The following TLE2 variants were observed in gnomAD, a reference collection of about 807,000 sequenced individuals.
TLE2 encodes the protein transducin-like enhancer protein 2.
Under a neutral mutation model 97.2 loss-of-function variants are expected in TLE2, and 74 were observed. That is an observed-to-expected ratio of 0.76 (90% CI 0.63 to 0.92). The LOEUF (loss-of-function observed/expected upper bound fraction) is 0.92. Among genes scored for constraint, TLE2 ranks in the 40% least tolerant of loss-of-function variants. TLE2 has a pLI of 0.00. For synonymous variants in TLE2, 499 were observed against 432.1 expected (o/e 1.15, Z -1.92); for missense variants, 1,038 against 1,008.7 (o/e 1.03, Z -0.39).
In TLE2 at chr19:3,025,298, T is replaced by G. The variant is rs578202822; in HGVS notation, c.232-216A>C. 91 of 1,250,406 alleles carry G rather than the reference T, an allele frequency of 7.3e-5. No individual in the cohort carries two copies. In the South Asian group the frequency reaches 1.6e-3, roughly 22 times the overall value. The allele number at this position is 1,250,406 out of a possible 1,614,324, so 77.5% of individuals were successfully genotyped here. ...CAGCTGAGCGAGGCCCAGGGTGGCC[T>G]GGAGCTGGGAAGACCAGGGCTGAGG... On this transcript the variant is annotated intron_variant, in intron 4 of 19. Transcript: ENST00000262953.
At chr19:2,998,516 G>A (rs573501800) in intron 19 of TLE2, among the ~76,000 whole-genome samples, 1 of 152,200 alleles carries the variant, frequency 6.6e-6, no homozygotes, top group South Asian at 2.1e-4. Context: ...GACCTCAGGT[G>A]ATCCGCCTGC....
chr19:2,999,233 G>A (rs1180329135), intron 19 of TLE2, among the ~76,000 whole-genome samples: 2 of 152,048 alleles, frequency 1.3e-5, no homozygotes, highest in Non-Finnish European at 2.9e-5. Flanking sequence ...AGTGAGCTGA[G>A]ATTGCGCCAC....
At chr19:3,004,571 G>A (rs922822494) in intron 17 of TLE2, among the ~76,000 whole-genome samples, 2 of 149,060 alleles carry the variant, frequency 1.3e-5, no homozygotes, top group African/African-American at 5.0e-5. Flanking sequence ...CCTGGGAGGC[G>A]CAGGTTGCAG....
At chr19:3,020,931 C>T (rs1266827170) in intron 5 of TLE2, among the ~76,000 whole-genome samples, 1 of 150,336 alleles carries the variant, frequency 6.7e-6, no homozygotes, top group Admixed American at 6.7e-5. Flanking sequence ...ACTAAAAATA[C>T]AAAAAAAATT....
chr19:3,020,957 C>T (rs919707266), intron 5 of TLE2, among the ~76,000 whole-genome samples: 6 of 151,438 alleles, frequency 4.0e-5, no homozygotes, highest in East Asian at 1.9e-4. Flanking sequence ...GACGTGGCGG[C>T]GGGTGCCTAT....
intron 18 of TLE2, among the ~76,000 whole-genome samples, chr19:3,001,263 ACT>A (rs1485504263): frequency 5.8e-5 from 7 of 121,196 alleles, no homozygotes; most frequent in South Asian, 5.4e-4. Context: ...ACGCAGTCAG[ACT>A]CTGTCTCAAA....
In TLE2 at chr19:3,006,594, C is replaced by G. The variant is rs774648503; in HGVS notation, c.1326G>C (p.Ala442=). ...VPFPSDALVG[A]GIPRHARQLH... Reference sequence around the variant, plus strand: ...GCTGCCGGGCGTGCCGCGGGATGCCCGCGCCTACCAGTGCATCCGAGGGGA... The same window carrying G: ...GCTGCCGGGCGTGCCGCGGGATGCCGGCGCCTACCAGTGCATCCGAGGGGA... Residue 442 remains alanine (A), a synonymous_variant, in exon 15 of 20, where the codon GCG becomes GCC. Coordinates refer to ENST00000262953, the MANE Select transcript of TLE2 (RefSeq NM_003260.5). 4.4e-6 allele frequency: 7 copies of G among 1,607,852 alleles called. No individual in the cohort carries two copies. The highest frequency in any genetic ancestry group is 3.4e-4 in the Middle Eastern group (2 of 5,940).
intron 14 of TLE2, among the ~76,000 whole-genome samples, chr19:3,006,939 T>C (rs1025032587): frequency 6.7e-6 from 1 of 149,232 alleles, no homozygotes; most frequent in Non-Finnish European, 1.5e-5. Context: ...TGCGCCACCA[T>C]GCCTGGCTAA....
At chr19:3,005,313 T>A in intron 17 of TLE2, 124 bp downstream of exon 17, 2 of 1,308,108 alleles carry the variant, frequency 1.5e-6, no homozygotes, top group Non-Finnish European at 2.1e-6. Flanking sequence ...ACAAGAAAGA[T>A]GGACACCACA....
In TLE2 at chr19:3,015,896, A is replaced by G. The variant is rs1399995365; in HGVS notation, c.571-136T>C. On this transcript the variant is annotated intron_variant, in intron 8 of 19. Transcript: ENST00000262953. ...TCAAGCTTCCCATCTGGGAAATGGG[A>G]GCTTCCAACGGCTGACTCAGTGCTA... 4.2e-6 allele frequency: 3 copies of G among 722,216 alleles called. No homozygotes were observed. The South Asian group carries it at 4.5e-5, about 11-fold the overall frequency. The allele number at this position is 722,216 out of a possible 1,614,324, so 44.7% of individuals were successfully genotyped here.
chr19:3,042,807 A>G (rs968714714), intron 1 of TLE2, among the ~76,000 whole-genome samples: 3 of 152,118 alleles, frequency 2.0e-5, no homozygotes, highest in African/African-American at 7.2e-5. Flanking sequence ...AGTCGGTTTC[A>G]TATTCGACTT....
intron 14 of TLE2, among the ~76,000 whole-genome samples, chr19:3,007,016 C>T (rs2089493792): frequency 6.6e-6 from 1 of 151,576 alleles, no homozygotes; most frequent in African/African-American, 2.4e-5. Flanking sequence ...AACTCCTAAC[C>T]TCAAGTGATC....
intron 2 of TLE2, 51 bp downstream of exon 2, chr19:3,028,655 C>G: frequency 6.2e-7 from 1 of 1,602,994 alleles, no homozygotes. Flanking sequence ...GGCCTCGCCC[C>G]GCCCCGGCGC....
At position 2,997,963 on chromosome 19, in the gene TLE2, G is replaced by A. The variant is rs761890014; in HGVS notation, c.2125-8C>T. On this transcript the variant is annotated splice_polypyrimidine_tract_variant and splice_region_variant and intron_variant, in intron 19 of 19. Coordinates refer to ENST00000262953, the MANE Select transcript of TLE2 (RefSeq NM_003260.5). Reference sequence around the variant, plus strand: ...TGAGGACGACTCCTTGGACTGCCAAGGGAAGGGAGAGAGAAAAGGGCACAG... The same window carrying A: ...TGAGGACGACTCCTTGGACTGCCAAAGGAAGGGAGAGAGAAAAGGGCACAG... 4 of 1,602,586 alleles carry A rather than the reference G, an allele frequency of 2.5e-6. No individual in the cohort carries two copies. The highest frequency in any genetic ancestry group is 2.7e-5 in the African/African-American group (2 of 74,720).
chr19:3,016,266 T>C (rs2145166037), intron 8 of TLE2, among the ~76,000 whole-genome samples: 1 of 150,340 alleles, frequency 6.7e-6, no homozygotes, highest in African/African-American at 2.4e-5. Context: ...CTCTGACATC[T>C]ATAATTATTT....
At position 3,008,890 on chromosome 19, in the gene TLE2, G is replaced by T; in HGVS notation, c.1229C>A (p.Pro410His). ...LRGSSVSSSLPSIPGGKPAYS... is the reference protein window; with the variant it reads ...LRGSSVSSSLHSIPGGKPAYS... ...TCACGGCTTTCCCCCAGGGATGCTG[G>T]GTAGGGAGGAAGAGACGGATGACCC... Residue 410 changes from proline (P) to histidine (H), a missense_variant, in exon 14 of 20, where the codon CCC (proline) becomes CAC (histidine). Transcript: ENST00000262953. The T allele has an allele frequency of 1.3e-6, 2 of 1,592,640 alleles. No homozygotes were observed. The highest frequency in any genetic ancestry group is 1.7e-6 in the Non-Finnish European group (2 of 1,169,646).
rs575148918 is a variant in TLE2 at position 3,011,294 on chromosome 19, C to G, written c.874-134G>C. The G allele has an allele frequency of 2.5e-3, 2,489 of 981,806 alleles. 6 individuals carry two copies. Among genetic ancestry groups the G allele is most frequent in the Non-Finnish European group, 3.1e-3 (2,169 of 695,972 alleles). The allele number at this position is 981,806 out of a possible 1,614,324, so 60.8% of individuals were successfully genotyped here. A position where few individuals can be genotyped will look rare whatever the true frequency, so the allele number is the denominator to read the frequency against. On this transcript the variant is annotated intron_variant, in intron 11 of 19. Transcript: ENST00000262953. ...TGTAATCCCAGCACTTTGGGAGGCC[C>G]AGTCGGGCGGATCACCTGAGGTCAG...
intron 7 of TLE2, 61 bp from the exon 8 acceptor site, chr19:3,017,920 C>G (rs138636484): frequency 6.4e-7 from 1 of 1,556,034 alleles, no homozygotes; most frequent in African/African-American, 1.4e-5. Context: ...TTTGTATCCA[C>G]GGCGCCAGAG....
chr19:3,027,993 G>A (rs1289142112), intron 3 of TLE2, 120 bp from the exon 4 acceptor site: 1 of 995,302 alleles, frequency 1.0e-6, no homozygotes. Flanking sequence ...AGGAAGCAGA[G>A]CCCCCCCCAG....
Sources: gnomAD v4.1 joint callset for allele counts (sites outside exome capture counted in the v4.1 genomes callset) on GRCh38, gnomAD v4.1.1 for gene constraint, MANE v1.5 for transcripts, NCBI Gene and HGNC (gene_info 2026-07-23, HGNC 2026-07-21) for gene names.